FBN2: variants seen among roughly 807,000 people sequenced by gnomAD.
The protein encoded by FBN2 is fibrillin 2.
FBN2 carries 105 observed loss-of-function variants against 355.6 expected under a neutral mutation model. The observed-to-expected ratio is 0.30, with a 90% CI of 0.25 to 0.35. FBN2 has a LOEUF of 0.35. FBN2 is among the 10% of genes least tolerant of loss of function. FBN2 has a pLI of 1.00. For missense variants in FBN2, 3,280 were observed against 3,758.7 expected (o/e 0.87, Z 3.33); for synonymous variants, 1,350 against 1,301.2 (o/e 1.04, Z -0.81).
In FBN2 at chr5:128,446,578, C is replaced by T. The variant is rs1754069686; in HGVS notation, c.855G>A (p.Gly285=). The change falls in exon 7 of 65, where the codon GGG becomes GGA. Residue 285 remains glycine, a synonymous_variant. Transcript: ENST00000262464. ...TGATACAGTTTCCTCCTTGGCATAT[C>T]CCTGGGATAGCCTGGCATTCATCAA... The part of the protein sequence containing the change: ...QDVDECQAIP[G]ICQGGNCINT... The T allele has an allele frequency of 2.5e-6, 4 of 1,613,648 alleles. No homozygotes were observed. In the African/African-American group the frequency reaches 4.0e-5, roughly 16 times the overall value.
rs7706516 is a variant in FBN2, at chr5:128,536,363, G to C, written c.337+39C>G. On this transcript the variant is annotated intron_variant, in intron 2 of 64. Transcript: ENST00000262464. ...AGAGGTCGGCCGGAGATAGGGCCGA[G>C]TGCGCTGCCCCAAGCTGCGATCCCT... is the stretch of plus-strand genomic sequence containing the variant. 3,311 of 1,546,610 alleles carry C rather than the reference G, an allele frequency of 2.1e-3. 71 individuals carry two copies. In the African/African-American group the frequency reaches 0.04, roughly 19 times the overall value.
In FBN2 at chr5:128,426,322, C is replaced by T. The variant is rs991365824; in HGVS notation, c.953-17523G>A. ...CGAAAACCTTCATATTTGAAATTCC[C>T]TTTTCCTTAAGTTACTCAGAGCACC... is the stretch of plus-strand genomic sequence containing the variant. On this transcript the variant is annotated intron_variant, in intron 7 of 64. Transcript: ENST00000262464. Among the ~76,000 whole-genome samples the T allele has an allele frequency of 2.0e-5, 3 of 152,128 alleles. No individual in the cohort carries two copies. In the East Asian group the frequency reaches 5.8e-4, roughly 29 times the overall value.
At position 128,333,030 on chromosome 5, in the gene FBN2, C is replaced by T; in HGVS notation, c.4104G>A (p.Val1368=). ...VKKGTTGCTD[V]DECEIGAHNC... is the part of the protein sequence containing the mutation. Reference sequence around the variant, plus strand: ...TATGAGCACCAATTTCACACTCATCCACATCTGATAAACCATAATTCATAA... The same window carrying T: ...TATGAGCACCAATTTCACACTCATCTACATCTGATAAACCATAATTCATAA... Residue 1368 remains valine (V), a synonymous_variant, in exon 32 of 65, where the codon GTG becomes GTA. Coordinates refer to ENST00000262464, the MANE Select transcript of FBN2 (RefSeq NM_001999.4). 1.2e-6 allele frequency: 2 copies of T among 1,610,688 alleles called. No homozygotes were observed. Among genetic ancestry groups the T allele is most frequent in the African/African-American group, 1.3e-5 (1 of 74,964 alleles).
In FBN2 at chr5:128,370,750, C is replaced by T. The variant is rs552573738; in HGVS notation, c.2096-1416G>A. Among the ~76,000 whole-genome samples, 6 of 152,062 alleles carry T rather than the reference C, an allele frequency of 3.9e-5. No homozygotes were observed. The South Asian group carries it at 1.0e-3, about 26-fold the overall frequency. ...ATATGCCATGCAGAATTTTTAAAAG[C>T]AAGCAGATAAAAGGCCTATGGAGCT... is the stretch of plus-strand genomic sequence containing the variant. On this transcript the variant is annotated intron_variant, in intron 15 of 64. Coordinates refer to ENST00000262464, the MANE Select transcript of FBN2 (RefSeq NM_001999.4).
chr5:128,412,241 T>G (rs1753087425), intron 7 of FBN2, among the ~76,000 whole-genome samples: 1 of 152,238 alleles, frequency 6.6e-6, no homozygotes, highest in African/African-American at 2.4e-5. Context: ...GTTCAGTTTC[T>G]GTGAGATATG....
At chr5:128,401,025 A>G (rs1438794452) in intron 8 of FBN2, among the ~76,000 whole-genome samples, 1 of 152,160 alleles carries the variant, frequency 6.6e-6, no homozygotes, top group Non-Finnish European at 1.5e-5. Flanking sequence ...TGCTGCTGCC[A>G]TGTAAGAAGT....
intron 5 of FBN2, among the ~76,000 whole-genome samples, chr5:128,474,540 A>G (rs1217188546): frequency 2.6e-5 from 4 of 152,198 alleles, no homozygotes; most frequent in Non-Finnish European, 1.5e-5. Context: ...CTTTGGTCCA[A>G]AAATAATATG....
intron 27 of FBN2, among the ~76,000 whole-genome samples, chr5:128,336,782 T>A (rs1750854082): frequency 6.6e-6 from 1 of 152,182 alleles, no homozygotes; most frequent in Admixed American, 6.5e-5. Flanking sequence ...AATAATGTAA[T>A]CACAAGATAA....
chr5:128,306,400 A>T (rs1369032979), intron 42 of FBN2, among the ~76,000 whole-genome samples: 3 of 152,156 alleles, frequency 2.0e-5, no homozygotes, highest in East Asian at 3.9e-4. Flanking sequence ...AGGGTGGATC[A>T]CCTGAGGTCA....
intron 6 of FBN2, among the ~76,000 whole-genome samples, chr5:128,458,196 C>A (rs1754454559): frequency 6.6e-6 from 1 of 151,910 alleles, no homozygotes; most frequent in African/African-American, 2.4e-5. Context: ...AGATTTTAAA[C>A]CAGCAAAGAT....
intron 26 of FBN2, 79 bp downstream of exon 26, chr5:128,338,854 G>T: frequency 6.7e-7 from 1 of 1,486,494 alleles, no homozygotes; most frequent in Non-Finnish European, 9.4e-7. Context: ...ACAGCCCAGA[G>T]ATAAGCAAAG....
chr5:128,411,183 AACCCTGTACC>A (rs1753052570), intron 7 of FBN2, among the ~76,000 whole-genome samples: 1 of 151,956 alleles, frequency 6.6e-6, no homozygotes, highest in African/African-American at 2.4e-5. Flanking sequence ...GGCAGGAACA[AACCCTGTACC>A]AGCCCACGGC....
chr5:128,296,500 T>C (rs940316877), intron 48 of FBN2, among the ~76,000 whole-genome samples: 21 of 152,064 alleles, frequency 1.4e-4, no homozygotes, highest in African/African-American at 4.3e-4. Flanking sequence ...TATTGATTAT[T>C]GCCACAATTT....
At chr5:128,384,744 A>C (rs1752321802) in intron 11 of FBN2, among the ~76,000 whole-genome samples, 1 of 152,108 alleles carries the variant, frequency 6.6e-6, no homozygotes, top group Non-Finnish European at 1.5e-5. Flanking sequence ...CCTGGGGACC[A>C]AAAATCTACT....
At chr5:128,452,707 T>G (rs988569343) in intron 6 of FBN2, among the ~76,000 whole-genome samples, 6 of 152,200 alleles carry the variant, frequency 3.9e-5, no homozygotes, top group Non-Finnish European at 8.8e-5. Flanking sequence ...ATTTTAATTT[T>G]TTTACATTGA....
intron 1 of FBN2, 64 bp from the exon 2 acceptor site, chr5:128,536,548 C>A: frequency 8.5e-7 from 1 of 1,179,070 alleles, no homozygotes; most frequent in East Asian, 2.4e-5. Context: ...TATAAACGGT[C>A]TTCGTAAGCA....
At chr5:128,514,026 G>A (rs2043536) in intron 5 of FBN2, among the ~76,000 whole-genome samples, 29,718 of 121,520 alleles carry the variant, frequency 0.24, 3,085 homozygotes, top group Non-Finnish European at 0.27. Context: ...GTGCAGAAAT[G>A]TGTGTGTGTG....
At chr5:128,406,313 G>GT (rs1188062482) in intron 8 of FBN2, among the ~76,000 whole-genome samples, 19 of 152,272 alleles carry the variant, frequency 1.2e-4, no homozygotes, top group African/African-American at 4.6e-4. Context: ...CATTGTGGCT[G>GT]TAACTTTTGC....
chr5:128,267,292 G>A (rs1765141549), intron 62 of FBN2, among the ~76,000 whole-genome samples: 1 of 152,180 alleles, frequency 6.6e-6, no homozygotes, highest in East Asian at 1.9e-4. Flanking sequence ...ACGTGTGCAT[G>A]TGTCTTTATA....
Sources: gnomAD v4.1 joint callset for allele counts (sites outside exome capture counted in the v4.1 genomes callset) on GRCh38, gnomAD v4.1.1 for gene constraint, MANE v1.5 for transcripts, NCBI Gene and HGNC (gene_info 2026-07-23, HGNC 2026-07-21) for gene names.